GBE1: variants seen among roughly 807,000 people sequenced by gnomAD.
The protein encoded by GBE1 is 1,4-alpha-glucan branching enzyme 1.
Under a neutral mutation model 88.8 loss-of-function variants are expected in GBE1, and 70 were observed. That is an observed-to-expected ratio of 0.79 (90% confidence interval 0.65 to 0.96). The LOEUF (loss-of-function observed/expected upper bound fraction) is 0.96, where lower values mean the gene tolerates loss of function less well. Among genes scored for constraint, GBE1 ranks in the 40% least tolerant of loss-of-function variants. The probability of loss-of-function intolerance (pLI) is 0.00; values close to 1 mark genes in which losing one functional copy is unlikely to be tolerated. For synonymous variants in GBE1, 284 were observed against 300.1 expected, an observed-to-expected ratio of 0.95 and a Z score of 0.56; for missense variants, 872 against 871.0, an observed-to-expected ratio of 1.00 and a Z score of -0.01.
chr3:81,736,661 T>C (rs1706260459), intron 1 of GBE1, among the ~76,000 whole-genome samples: 2 of 152,192 alleles, frequency 1.3e-5, no homozygotes, highest in South Asian at 4.1e-4. Flanking sequence ...AAGAGAATAG[T>C]ATCCCTTTGG....
chr3:81,564,558 G>T (rs928602887), intron 12 of GBE1, among the ~76,000 whole-genome samples: 4 of 152,062 alleles, frequency 2.6e-5, no homozygotes, highest in African/African-American at 7.2e-5. Flanking sequence ...ATTTGTAAAA[G>T]ATTTTCTGTA....
intron 14 of GBE1, among the ~76,000 whole-genome samples, chr3:81,503,751 G>A (rs970236047): frequency 2.6e-5 from 4 of 151,892 alleles, no homozygotes; most frequent in Non-Finnish European, 4.4e-5. Flanking sequence ...CTCTATATGC[G>A]GCACCAATTT....
At chr3:81,493,229 C>CTATT (rs1702459327) in intron 15 of GBE1, among the ~76,000 whole-genome samples, 1 of 152,142 alleles carries the variant, frequency 6.6e-6, no homozygotes, top group Non-Finnish European at 1.5e-5. Flanking sequence ...AAACATTTCT[C>CTATT]TTATAGAGTA....
intron 12 of GBE1, among the ~76,000 whole-genome samples, chr3:81,559,670 G>A (rs753603391): frequency 3.3e-5 from 5 of 151,836 alleles, no homozygotes; most frequent in Non-Finnish European, 5.9e-5. Flanking sequence ...AGATAGCCAC[G>A]TTGCTGGAAT....
chr3:81,681,283 T>C (rs1705336830), intron 2 of GBE1, among the ~76,000 whole-genome samples: 1 of 152,048 alleles, frequency 6.6e-6, no homozygotes, highest in African/African-American at 2.4e-5. Context: ...TCAACAAACA[T>C]TTGGGGGCCA....
At chr3:81,672,112 A>G (rs1235220733) in intron 2 of GBE1, among the ~76,000 whole-genome samples, 4 of 151,994 alleles carry the variant, frequency 2.6e-5, no homozygotes, top group Non-Finnish European at 5.9e-5. Context: ...CACTCAGGAC[A>G]TTGGCAAAAA....
intron 12 of GBE1, among the ~76,000 whole-genome samples, chr3:81,560,439 CT>C (rs1703401184): frequency 6.6e-6 from 1 of 151,816 alleles, no homozygotes; most frequent in Non-Finnish European, 1.5e-5. Context: ...ATAAAAATGA[CT>C]CAGTATAACA....
At chr3:81,734,781 T>G (rs1706237907) in intron 1 of GBE1, among the ~76,000 whole-genome samples, 1 of 152,174 alleles carries the variant, frequency 6.6e-6, no homozygotes, top group African/African-American at 2.4e-5. Context: ...AGATGCCGTA[T>G]CAGTTGTGGC....
chr3:81,719,287 G>A (rs1314875372), intron 1 of GBE1, among the ~76,000 whole-genome samples: 2 of 152,088 alleles, frequency 1.3e-5, no homozygotes, highest in Non-Finnish European at 2.9e-5. Flanking sequence ...TGTGATCCTG[G>A]CTCACTGCAA....
chr3:81,691,356 G>A (rs537854504), intron 2 of GBE1, among the ~76,000 whole-genome samples: 29 of 152,284 alleles, frequency 1.9e-4, no homozygotes, highest in African/African-American at 6.3e-4. Context: ...AAAATGAAAT[G>A]AAAATTATAG....
intron 12 of GBE1, among the ~76,000 whole-genome samples, chr3:81,548,793 A>G (rs1179106540): frequency 6.6e-6 from 1 of 150,814 alleles, no homozygotes; most frequent in African/African-American, 2.4e-5. Flanking sequence ...ATGACTATCA[A>G]GCAGAAGATG....
intron 3 of GBE1, among the ~76,000 whole-genome samples, chr3:81,660,537 T>C (rs1705011500): frequency 6.6e-6 from 1 of 152,070 alleles, no homozygotes; most frequent in Non-Finnish European, 1.5e-5. Context: ...ACCTGACCAA[T>C]GAGTGAGGCA....
chr3:81,599,961 T>C (rs1197294917), intron 7 of GBE1, among the ~76,000 whole-genome samples: 1 of 152,230 alleles, frequency 6.6e-6, no homozygotes, highest in African/African-American at 2.4e-5. Flanking sequence ...TTATTTCTAA[T>C]AGATTAACTA....
intron 7 of GBE1, among the ~76,000 whole-genome samples, chr3:81,604,106 G>A (rs1341657187): frequency 6.6e-6 from 1 of 151,960 alleles, no homozygotes; most frequent in Admixed American, 6.6e-5. Flanking sequence ...AGACAAACTG[G>A]TTCATGCAAG....
intron 10 of GBE1, among the ~76,000 whole-genome samples, 153 bp downstream of exon 10, chr3:81,585,939 T>A (rs935987137): frequency 6.6e-6 from 1 of 152,208 alleles, no homozygotes; most frequent in Non-Finnish European, 1.5e-5. Context: ...AGAAGCACCT[T>A]ATTAAAAAGC....
chr3:81,509,562 T>C (rs1702698190), intron 14 of GBE1: 1 of 151,902 alleles, frequency 6.6e-6, no homozygotes, highest in Non-Finnish European at 1.5e-5. Context: ...AAATACAATC[T>C]ATATAAGAAA....
At chr3:81,621,269 C>A (rs1342917528) in intron 7 of GBE1, among the ~76,000 whole-genome samples, 1 of 152,142 alleles carries the variant, frequency 6.6e-6, no homozygotes, top group Non-Finnish European at 1.5e-5. Flanking sequence ...TATAATTATA[C>A]CTCCTGCTGT....
intron 14 of GBE1, among the ~76,000 whole-genome samples, chr3:81,518,882 G>A (rs1306951460): frequency 6.6e-6 from 1 of 151,532 alleles, no homozygotes; most frequent in Non-Finnish European, 1.5e-5. Context: ...GAAAGTCACT[G>A]TGTAGAACTT....
At chr3:81,643,302 C>T (rs1704717950) in intron 6 of GBE1, among the ~76,000 whole-genome samples, 1 of 152,120 alleles carries the variant, frequency 6.6e-6, no homozygotes, top group Admixed American at 6.6e-5. Flanking sequence ...CCACCTGAAG[C>T]AAGTCATTCC....
Sources: gnomAD v4.1 joint callset for allele counts (sites outside exome capture counted in the v4.1 genomes callset) on GRCh38, gnomAD v4.1.1 for gene constraint, MANE v1.5 for transcripts, NCBI Gene and HGNC (gene_info 2026-07-23, HGNC 2026-07-21) for gene names.